Variants in ADAM22 observed in about 807,000 individuals in gnomAD.
The protein encoded by ADAM22 is disintegrin and metalloproteinase domain-containing protein 22.
Under a neutral mutation model 144.6 loss-of-function variants are expected in ADAM22, and 65 were observed. The ratio of observed to expected loss-of-function variants is 0.45; its 90% CI spans 0.37 to 0.55. The LOEUF is 0.55. ADAM22 is among the 20% of genes least tolerant of loss of function. The pLI is 0.00. For synonymous variants in ADAM22, 391 were observed against 412.6 expected (o/e 0.95, Z 0.63); for missense variants, 974 against 1,184.9 (o/e 0.82, Z 2.61).
intron 23 of ADAM22, among the ~76,000 whole-genome samples, chr7:88,164,840 A>T (rs1842586533): frequency 6.6e-6 from 1 of 152,136 alleles, no homozygotes; most frequent in African/African-American, 2.4e-5. Flanking sequence ...CTGACATATG[A>T]TATAGCAACT....
intron 6 of ADAM22, among the ~76,000 whole-genome samples, chr7:88,115,230 A>C (rs550949689): frequency 6.6e-6 from 1 of 152,310 alleles, no homozygotes; most frequent in Non-Finnish European, 1.5e-5. Context: ...ACAAACAAAC[A>C]AACAAACAAA....
chr7:88,168,369 T>A, intron 25 of ADAM22, 142 bp downstream of exon 25: 1 of 808,704 alleles, frequency 1.2e-6, no homozygotes, highest in Non-Finnish European at 2.1e-6. Context: ...CAGTCAATGC[T>A]TATTCTTGGC....
intron 3 of ADAM22, among the ~76,000 whole-genome samples, chr7:88,042,838 A>T (rs1252850391): frequency 6.6e-6 from 1 of 151,398 alleles, no homozygotes; most frequent in African/African-American, 2.4e-5. Context: ...CCTAATCTCA[A>T]GGTGTCCTGA....
At chr7:88,192,404 A>C (rs2129540953) in intron 30 of ADAM22, among the ~76,000 whole-genome samples, 1 of 152,332 alleles carries the variant, frequency 6.6e-6, no homozygotes, top group African/African-American at 2.4e-5. Context: ...CTTAGTCACA[A>C]ATTACCACTA....
chr7:88,095,468 G>A (rs1481072579), intron 4 of ADAM22, among the ~76,000 whole-genome samples: 6 of 152,092 alleles, frequency 3.9e-5, no homozygotes, highest in South Asian at 2.1e-4. Context: ...GTCTGGGAAC[G>A]CATATTATTC....
intron 27 of ADAM22, among the ~76,000 whole-genome samples, chr7:88,180,955 C>T (rs1367025566): frequency 6.6e-6 from 1 of 152,066 alleles, no homozygotes; most frequent in Non-Finnish European, 1.5e-5. Flanking sequence ...ACATGTACTA[C>T]ACTTTTTTGG....
chr7:87,938,471 G>A (rs1001248221), intron 2 of ADAM22, among the ~76,000 whole-genome samples: 15 of 151,384 alleles, frequency 9.9e-5, no homozygotes, highest in Non-Finnish European at 1.5e-4. Flanking sequence ...CTCCCACCTC[G>A]GCCACCCAAA....
intron 30 of ADAM22, among the ~76,000 whole-genome samples, chr7:88,188,198 C>T (rs1403723098): frequency 6.6e-6 from 1 of 152,022 alleles, no homozygotes; most frequent in Non-Finnish European, 1.5e-5. Flanking sequence ...TGGGTTAGGG[C>T]TTTTATTCCC....
At chr7:88,088,806 A>G (rs955086461) in intron 4 of ADAM22, among the ~76,000 whole-genome samples, 1 of 152,224 alleles carries the variant, frequency 6.6e-6, no homozygotes, top group Non-Finnish European at 1.5e-5. Context: ...TATTGTTTGT[A>G]AAAACAACAA....
At chr7:88,115,278 A>G (rs1827475840) in intron 6 of ADAM22, among the ~76,000 whole-genome samples, 1 of 152,234 alleles carries the variant, frequency 6.6e-6, no homozygotes, top group Non-Finnish European at 1.5e-5. Flanking sequence ...TATTGGAAAT[A>G]TAATACTTTC....
At chr7:88,111,475 T>C (rs893837458) in intron 5 of ADAM22, among the ~76,000 whole-genome samples, 4 of 152,198 alleles carry the variant, frequency 2.6e-5, no homozygotes, top group African/African-American at 4.8e-5. Context: ...TCACATTTGT[T>C]TGGAGTCAAA....
chr7:88,167,262 T>C (rs2129531589), intron 24 of ADAM22, among the ~76,000 whole-genome samples: 1 of 152,276 alleles, frequency 6.6e-6, no homozygotes, highest in Admixed American at 6.5e-5. Context: ...AAAACAGGCC[T>C]TCTGGTGTCA....
chr7:88,118,660 T>G (rs1365206017), intron 7 of ADAM22, among the ~76,000 whole-genome samples: 2 of 150,424 alleles, frequency 1.3e-5, no homozygotes, highest in African/African-American at 4.9e-5. Context: ...TCTATCTATA[T>G]ATATATATAT....
intron 2 of ADAM22, among the ~76,000 whole-genome samples, chr7:87,953,206 C>A (rs900185083): frequency 6.6e-6 from 1 of 151,688 alleles, no homozygotes; most frequent in African/African-American, 2.4e-5. Context: ...TTTGTTCTTG[C>A]TTTTCTAGTT....
chr7:88,076,076 C>T (rs969099926), intron 4 of ADAM22, among the ~76,000 whole-genome samples: 5 of 152,190 alleles, frequency 3.3e-5, no homozygotes, highest in African/African-American at 9.6e-5. Flanking sequence ...TGCAATGGCG[C>T]GATCTCAGCT....
intron 8 of ADAM22, among the ~76,000 whole-genome samples, chr7:88,126,068 T>C (rs1472922745): frequency 6.6e-6 from 1 of 152,066 alleles, no homozygotes; most frequent in Non-Finnish European, 1.5e-5. Flanking sequence ...CACAGAATGC[T>C]TTTGTCTCAC....
rs1401748699 is a variant in ADAM22, at chr7:88,068,998, G to C, written c.324-6628G>C. ...GTATGAAGAGGTGGGACCTTTTAAG[G>C]GTCATTAGGCCATGAGGGCTGGCTG... On this transcript the variant is annotated intron_variant, in intron 3 of 31. Coordinates refer to ENST00000413139, the MANE Select transcript of ADAM22 (RefSeq NM_001324418.2). Among the ~76,000 whole-genome samples, 3 of 152,010 alleles carry C rather than the reference G, an allele frequency of 2.0e-5. No homozygotes were observed. In the East Asian group the frequency reaches 5.8e-4, roughly 29 times the overall value.
At chr7:88,004,009 T>C (rs1793210015) in intron 3 of ADAM22, among the ~76,000 whole-genome samples, 1 of 152,146 alleles carries the variant, frequency 6.6e-6, no homozygotes. Context: ...AGAAAGATAT[T>C]TAAAAAGACC....
chr7:88,159,737 C>T (rs556838608), intron 22 of ADAM22, among the ~76,000 whole-genome samples: 73 of 152,030 alleles, frequency 4.8e-4, no homozygotes, highest in East Asian at 1.4e-3. Context: ...CAATAAACTA[C>T]GTATTAAAGG....
Sources: allele counts gnomAD v4.1 joint callset (sites outside exome capture counted in the v4.1 genomes callset), GRCh38; gene constraint gnomAD v4.1.1; transcripts MANE v1.5; gene names NCBI Gene and HGNC (gene_info 2026-07-23, HGNC 2026-07-21).